RBFOX1: variants seen among roughly 807,000 people sequenced by gnomAD.
RBFOX1 encodes the protein RNA binding fox-1 homolog 1, also known as RNA binding protein fox-1 homolog 1.
A neutral mutation model predicts 57.7 loss-of-function variants in RBFOX1; 8 were observed. The ratio of observed to expected loss-of-function variants is 0.14; its 90% confidence interval spans 0.08 to 0.25. The LOEUF (loss-of-function observed/expected upper bound fraction) is 0.25. Among genes scored for constraint, RBFOX1 ranks in the 10% least tolerant of loss-of-function variants. The pLI is 1.00. For synonymous variants in RBFOX1, 326 were observed against 222.4 expected (o/e 1.47, Z -4.15); for missense variants, 611 against 548.5 (o/e 1.11, Z -1.14).
intron 4 of RBFOX1, among the ~76,000 whole-genome samples, chr16:7,264,321 C>G (rs1490601318): frequency 6.6e-6 from 1 of 152,156 alleles, no homozygotes; most frequent in Admixed American, 6.5e-5. Flanking sequence ...AACAAATGAG[C>G]AGAATTCATA....
At position 5,982,378 on chromosome 16, in the gene RBFOX1, G is replaced by C. The variant is rs1177232098; in HGVS notation, c.351+115043G>C. ...AACCTCCGCCTTCTGGGTTCAAGCA[G>C]TTTTCCCTTCCTCAGCCTCCCAAGT... On this transcript the variant is annotated intron_variant, in intron 4 of 19. Coordinates refer to the RBFOX1 transcript ENST00000641259. Among the ~76,000 whole-genome samples, 5 of 151,998 alleles carry C rather than the reference G, an allele frequency of 3.3e-5. No homozygotes were observed. In the South Asian group the frequency reaches 6.2e-4, roughly 19 times the overall value.
At chr16:7,155,020 C>T (rs1412492351) in intron 4 of RBFOX1, among the ~76,000 whole-genome samples, 3 of 151,944 alleles carry the variant, frequency 2.0e-5, no homozygotes, top group African/African-American at 2.4e-5. Flanking sequence ...GTATAAATTG[C>T]TATTGAGCTG....
chr16:5,731,696 A>G (rs1461597748), intron 3 of RBFOX1, among the ~76,000 whole-genome samples: 1 of 152,234 alleles, frequency 6.6e-6, no homozygotes, highest in African/African-American at 2.4e-5. Context: ...CTGGATGTCC[A>G]TAGGACATTT....
chr16:6,681,671 G>A (rs1035098239), intron 3 of RBFOX1, among the ~76,000 whole-genome samples: 229 of 145,346 alleles, frequency 1.6e-3, no homozygotes, highest in Non-Finnish European at 1.9e-3. Flanking sequence ...CATTTAACCA[G>A]AAAAAAAAAA....
At chr16:6,232,687 G>A (rs1302757268) in intron 1 of RBFOX1, among the ~76,000 whole-genome samples, 1 of 152,130 alleles carries the variant, frequency 6.6e-6, no homozygotes, top group Non-Finnish European at 1.5e-5. Context: ...CCTATTTAAG[G>A]TCCGTGCTCT....
chr16:5,963,042 T>C (rs2059780634), intron 4 of RBFOX1, among the ~76,000 whole-genome samples: 1 of 152,192 alleles, frequency 6.6e-6, no homozygotes, highest in Admixed American at 6.5e-5. Flanking sequence ...TTTACGGTTG[T>C]ATTATGTATC....
At position 7,472,615 on chromosome 16, in the gene RBFOX1, GTTC is replaced by G. The variant is rs778418800; in HGVS notation, c.28-45527_28-45525del. On this transcript the variant is annotated intron_variant, in intron 4 of 15. Transcript: ENST00000550418. ...TTCCACTTCTGTCCCCAGCAATTCA[GTTC>G]TTCTCCTCCGAGACTGCACTGTAGC... 2.6e-5 allele frequency among the ~76,000 whole-genome samples: 4 copies of G among 152,292 alleles called. No homozygotes were observed. The East Asian group carries it at 5.8e-4, about 22-fold the overall frequency.
chr16:7,555,885 A>C (rs2088268038), intron 5 of RBFOX1, among the ~76,000 whole-genome samples: 2 of 152,150 alleles, frequency 1.3e-5, no homozygotes, highest in South Asian at 4.1e-4. Flanking sequence ...CATGCTCTGC[A>C]ATGCTCTGAT....
At chr16:6,793,462 G>C (rs2083353655) in intron 3 of RBFOX1, among the ~76,000 whole-genome samples, 1 of 152,128 alleles carries the variant, frequency 6.6e-6, no homozygotes, top group African/African-American at 2.4e-5. Flanking sequence ...CTTCATCTCA[G>C]TGTCTCAGTG....
At chr16:6,331,547 A>C (rs801997) in intron 2 of RBFOX1, among the ~76,000 whole-genome samples, 35,652 of 147,616 alleles carry the variant, frequency 0.24, 4,326 homozygotes, top group South Asian at 0.26. Flanking sequence ...CTCTCTCTCT[A>C]TATATATATA....
intron 3 of RBFOX1, among the ~76,000 whole-genome samples, chr16:6,796,073 GT>G (rs1373657731): frequency 6.6e-6 from 1 of 152,094 alleles, no homozygotes; most frequent in Non-Finnish European, 1.5e-5. Context: ...AAAGAAAGAG[GT>G]TTATTAGGCT....
At chr16:7,212,907 G>C (rs2091408749) in intron 4 of RBFOX1, among the ~76,000 whole-genome samples, 1 of 152,118 alleles carries the variant, frequency 6.6e-6, no homozygotes, top group Non-Finnish European at 1.5e-5. Context: ...GGCAATAGTG[G>C]TTACATGTAA....
chr16:6,638,856 A>G (rs1021656665), intron 2 of RBFOX1, among the ~76,000 whole-genome samples: 2 of 152,196 alleles, frequency 1.3e-5, no homozygotes, highest in African/African-American at 4.8e-5. Context: ...TAAAGGTTGC[A>G]TTCCTGAAAT....
chr16:7,211,647 C>G (rs1396012011), intron 4 of RBFOX1, among the ~76,000 whole-genome samples: 3 of 152,056 alleles, frequency 2.0e-5, no homozygotes, highest in East Asian at 1.9e-4. Context: ...TATTGCATTT[C>G]CAGGAGAAAA....
At chr16:5,372,603 G>A (rs1338206801) in intron 1 of RBFOX1, among the ~76,000 whole-genome samples, 1 of 152,150 alleles carries the variant, frequency 6.6e-6, no homozygotes, top group East Asian at 1.9e-4. Context: ...GCCCCTGTGG[G>A]GAGCAGGGCT....
At position 7,460,663 on chromosome 16, in the gene RBFOX1, C is replaced by A. The variant is rs59269885; in HGVS notation, c.28-57484C>A. Among the ~76,000 whole-genome samples the A allele has an allele frequency of 1.5e-3, 225 of 151,578 alleles. 1 individual carries two copies. Among genetic ancestry groups the A allele is most frequent in the African/African-American group, 5.0e-3 (205 of 41,318 alleles). On this transcript the variant is annotated intron_variant, in intron 4 of 15. Coordinates refer to ENST00000550418, the MANE Select transcript of RBFOX1 (RefSeq NM_018723.4). ...TGAAATAATCTGCACAACAAACCAC[C>A]ATGACACACGTTTACCTGTGTAACA...
At chr16:6,509,895 T>G (rs1216831684) in intron 2 of RBFOX1, among the ~76,000 whole-genome samples, 1 of 152,186 alleles carries the variant, frequency 6.6e-6, no homozygotes, top group Non-Finnish European at 1.5e-5. Flanking sequence ...TGAGGAGATG[T>G]AAAATAAACT....
intron 3 of RBFOX1, among the ~76,000 whole-genome samples, chr16:6,745,411 A>C (rs2073349158): frequency 6.6e-6 from 1 of 152,180 alleles, no homozygotes; most frequent in Admixed American, 6.5e-5. Flanking sequence ...TAAAACAACA[A>C]GCAAATGAAA....
intron 1 of RBFOX1, among the ~76,000 whole-genome samples, chr16:5,400,185 G>A (rs551577236): frequency 5.3e-5 from 8 of 151,550 alleles, no homozygotes; most frequent in Admixed American, 1.3e-4. Context: ...TCTGCCTCCC[G>A]GGTTCAAGCG....
Sources: allele counts gnomAD v4.1 joint callset (sites outside exome capture counted in the v4.1 genomes callset), GRCh38; gene constraint gnomAD v4.1.1; transcripts MANE v1.5; gene names NCBI Gene and HGNC (gene_info 2026-07-23, HGNC 2026-07-21).